PDE11A: variants seen among roughly 807,000 people sequenced by gnomAD.
PDE11A encodes phosphodiesterase 11A.
A neutral mutation model predicts 100.5 loss-of-function variants in PDE11A; 100 were observed. The observed-to-expected ratio is 1.00, with a 90% CI of 0.85 to 1.18. The LOEUF is 1.18. Ranked by LOEUF, PDE11A falls within the 50% of genes most tolerant of loss-of-function variation. The pLI, the probability that PDE11A is intolerant of heterozygous loss-of-function variation, is 0.00. For missense variants in PDE11A, 1,141 were observed against 1,152.6 expected (o/e 0.99, Z 0.15); for synonymous variants, 381 against 420.8 (o/e 0.91, Z 1.16).
intron 2 of PDE11A, among the ~76,000 whole-genome samples, chr2:178,011,425 T>G (rs1020553404): frequency 2.0e-5 from 3 of 152,144 alleles, no homozygotes; most frequent in Non-Finnish European, 2.9e-5. Flanking sequence ...ATCTCTCATA[T>G]AGAAGACCAG....
intron 2 of PDE11A, among the ~76,000 whole-genome samples, chr2:177,964,002 T>C (rs959295767): frequency 6.6e-6 from 1 of 152,230 alleles, no homozygotes; most frequent in African/African-American, 2.4e-5. Flanking sequence ...CCTAGCACAA[T>C]GCCTGGTATA....
intron 2 of PDE11A, chr2:177,997,349 T>C (rs13027582): frequency 0.071 from 61,299 of 869,002 alleles, 2,690 homozygotes; most frequent in South Asian, 0.093. Flanking sequence ...TCTTTTTTGT[T>C]CTGCTGAAGA....
chr2:177,762,851 T>C (rs868692372), intron 10 of PDE11A, among the ~76,000 whole-genome samples: 22 of 152,194 alleles, frequency 1.4e-4, no homozygotes, highest in African/African-American at 4.8e-4. Flanking sequence ...CCACAGGATG[T>C]ATTTTGGTCA....
intron 8 of PDE11A, among the ~76,000 whole-genome samples, chr2:177,817,204 A>G (rs776182514): frequency 2.0e-5 from 3 of 152,224 alleles, no homozygotes; most frequent in Non-Finnish European, 2.9e-5. Flanking sequence ...GTGGGTTCTT[A>G]ATTTATTTAG....
chr2:178,047,885 A>G (rs1270994144), intron 1 of PDE11A, among the ~76,000 whole-genome samples: 1 of 152,142 alleles, frequency 6.6e-6, no homozygotes, highest in Non-Finnish European at 1.5e-5. Context: ...ATTCCCATAG[A>G]TGATGAGTGC....
chr2:177,771,246 T>C (rs1435011833), intron 9 of PDE11A, among the ~76,000 whole-genome samples: 2 of 152,242 alleles, frequency 1.3e-5, no homozygotes, highest in Non-Finnish European at 1.5e-5. Flanking sequence ...TAAAGTAACA[T>C]GCTTTATTTC....
At chr2:177,797,247 G>T (rs2082719513) in intron 9 of PDE11A, 1 of 152,112 alleles carries the variant, frequency 6.6e-6, no homozygotes, top group South Asian at 2.1e-4. Context: ...TTCCTCAAAA[G>T]AGCCCTTGCG....
chr2:177,997,314 G>T, intron 2 of PDE11A: 1 of 940,178 alleles, frequency 1.1e-6, no homozygotes, highest in Non-Finnish European at 1.8e-6. Flanking sequence ...TTCTCACTGG[G>T]AGGATTATAA....
rs13385419 is a variant in PDE11A at position 177,856,781 on chromosome 2, T to A, written c.1368-16398A>T. On this transcript the variant is annotated intron_variant, in intron 5 of 19. Coordinates refer to ENST00000286063, the MANE Select transcript of PDE11A (RefSeq NM_016953.4). ...AGAAAGTAAAAAGAATGAAGAAAAA[T>A]GAACAAAGTCTCAGTAACATGTGGG... 6.5e-4 allele frequency among the ~76,000 whole-genome samples: 99 copies of A among 151,694 alleles called. 3 individuals carry two copies. The highest frequency in any genetic ancestry group is 2.2e-3 in the African/African-American group (91 of 41,372).
At chr2:178,027,669 G>A (rs886669196) in intron 1 of PDE11A, among the ~76,000 whole-genome samples, 1 of 151,970 alleles carries the variant, frequency 6.6e-6, no homozygotes, top group Non-Finnish European at 1.5e-5. Flanking sequence ...TATCATAAAA[G>A]GTCCAATTGA....
chr2:178,107,790 C>T lies in PDE11A; in HGVS notation c.-14+464G>A, dbSNP rs990939804. Among the ~76,000 whole-genome samples, 8 of 143,838 alleles carry T rather than the reference C, an allele frequency of 5.6e-5. No individual in the cohort carries two copies. The East Asian group carries it at 8.2e-4, about 15-fold the overall frequency. 94.4% of individuals were successfully genotyped at this position (143,838 alleles called of 152,430 possible). ...AGGCCGGAGTGCCGTGGTGTGATCT[C>T]GGCTCACTGCAACCTCCGCTTCCCG... On this transcript the variant is annotated intron_variant, in intron 1 of 20. Coordinates refer to the PDE11A transcript ENST00000358450.
rs144160502 is a variant in PDE11A at position 177,894,736 on chromosome 2, A to G, written c.1302+3322T>C. On this transcript the variant is annotated intron_variant, in intron 4 of 19. Transcript: ENST00000286063. ...AAGGGTTAAGTCATTCCTGCAGGCC[A>G]CCAATCTTGCTACATAGCATCCTTA... is the stretch of plus-strand genomic sequence containing the variant. 9.7e-4 allele frequency among the ~76,000 whole-genome samples: 147 copies of G among 152,314 alleles called. 1 individual carries two copies. The highest frequency in any genetic ancestry group is 3.7e-3 in the Admixed American group (57 of 15,288).
chr2:178,016,433 C>T (rs1179962130), intron 1 of PDE11A, among the ~76,000 whole-genome samples: 1 of 152,046 alleles, frequency 6.6e-6, no homozygotes, highest in Non-Finnish European at 1.5e-5. Context: ...AGTATGTGAC[C>T]AAACTTTCAG....
intron 13 of PDE11A, among the ~76,000 whole-genome samples, chr2:177,710,082 C>T (rs1430938979): frequency 6.6e-6 from 1 of 151,764 alleles, no homozygotes; most frequent in African/African-American, 2.4e-5. Flanking sequence ...TAATAGGATG[C>T]AGACAGCCAG....
chr2:177,950,816 C>T lies in PDE11A; in HGVS notation c.1072-45629G>A, dbSNP rs1307003549. On this transcript the variant is annotated intron_variant, in intron 2 of 19. Coordinates refer to ENST00000286063, the MANE Select transcript of PDE11A (RefSeq NM_016953.4). Reference sequence around the variant, plus strand: ...GTCCCAGCTACTTGGGACGCTGAGGCAGGAGAATGGCATGAACCCGGGAGG... The same window carrying T: ...GTCCCAGCTACTTGGGACGCTGAGGTAGGAGAATGGCATGAACCCGGGAGG... 2.6e-5 allele frequency among the ~76,000 whole-genome samples: 4 copies of T among 152,152 alleles called. No homozygotes were observed. In the East Asian group the frequency reaches 7.7e-4, roughly 29 times the overall value.
At chr2:178,003,537 G>T (rs1274244288) in intron 2 of PDE11A, among the ~76,000 whole-genome samples, 1 of 152,090 alleles carries the variant, frequency 6.6e-6, no homozygotes, top group Non-Finnish European at 1.5e-5. Context: ...TGGTAGACTA[G>T]AAGGTACCAC....
At chr2:177,820,370 C>A in intron 6 of PDE11A, 75 bp from the exon 7 acceptor site, 1 of 867,082 alleles carries the variant, frequency 1.2e-6, no homozygotes, top group Non-Finnish European at 1.9e-6. Context: ...TTCCATTTTT[C>A]ATAACAGATA....
intron 1 of PDE11A, among the ~76,000 whole-genome samples, chr2:178,041,953 T>C (rs1392856626): frequency 6.6e-6 from 1 of 152,214 alleles, no homozygotes; most frequent in African/African-American, 2.4e-5. Flanking sequence ...GTTTAGATGA[T>C]CACACAAAAG....
intron 1 of PDE11A, among the ~76,000 whole-genome samples, chr2:178,061,232 AG>A (rs1018740322): frequency 6.6e-6 from 1 of 152,104 alleles, no homozygotes; most frequent in Non-Finnish European, 1.5e-5. Context: ...TGGTTGGCAG[AG>A]TCGGGCAGTG....
Sources: allele counts gnomAD v4.1 joint callset (sites outside exome capture counted in the v4.1 genomes callset), GRCh38; gene constraint gnomAD v4.1.1; transcripts MANE v1.5; gene names NCBI Gene and HGNC (gene_info 2026-07-23, HGNC 2026-07-21).